Variants in ADH6 observed in about 807,000 individuals in gnomAD.
ADH6 encodes alcohol dehydrogenase 6.
ADH6 carries 34 observed loss-of-function variants against 36.5 expected under a neutral mutation model. The observed-to-expected ratio is 0.93, with a 90% confidence interval of 0.71 to 1.24. The LOEUF (loss-of-function observed/expected upper bound fraction) is 1.24, where lower values mean the gene tolerates loss of function less well. Among genes scored for constraint, ADH6 ranks in the 50% most tolerant of loss-of-function variants. The pLI, the probability that ADH6 is intolerant of heterozygous loss-of-function variation, is 0.00. For synonymous variants in ADH6, 161 were observed against 155.5 expected (o/e 1.04, Z -0.26); for missense variants, 440 against 447.0 (o/e 0.98, Z 0.14).
chr4:99,208,419 A>G lies in ADH6; in HGVS notation c.828+249T>C, dbSNP rs114863956. On this transcript the variant is annotated intron_variant, in intron 6 of 8. Coordinates refer to ENST00000394899, the MANE Select transcript of ADH6 (RefSeq NM_001102470.2). Reference sequence around the variant, plus strand: ...GAAAAGCACATTGATTTATAAGGTCATTAATCAAATTTTAATCTTATCTTG... The same window carrying G: ...GAAAAGCACATTGATTTATAAGGTCGTTAATCAAATTTTAATCTTATCTTG... 3,763 of 379,746 alleles carry G rather than the reference A, an allele frequency of 9.9e-3. 40 individuals are homozygous for G. Among genetic ancestry groups the G allele is most frequent in the Non-Finnish European group, 0.013 (2,743 of 214,986 alleles). 23.5% of individuals were successfully genotyped at this position (379,746 alleles called of 1,614,324 possible).
chr4:99,203,031 C>T lies in ADH6; in HGVS notation c.*1188G>A, dbSNP rs1404127587. ...TGAAAACCATGATGGGAGAGAGAGA[C>T]TGAGGGTGCAGCCCACCTTCCTGGC... On this transcript the variant is annotated 3_prime_UTR_variant, in exon 9 of 9. Coordinates refer to ENST00000394899, the MANE Select transcript of ADH6 (RefSeq NM_001102470.2). 1 of 384,804 alleles carries T rather than the reference C, an allele frequency of 2.6e-6. No individual in the cohort carries two copies. Among genetic ancestry groups the T allele is most frequent in the Non-Finnish European group, 4.6e-6 (1 of 217,710 alleles). 23.8% of individuals were successfully genotyped at this position (384,804 alleles called of 1,614,324 possible). A position where few individuals can be genotyped will look rare whatever the true frequency, so the allele number is the denominator to read the frequency against.
intron 7 of ADH6, 81 bp downstream of exon 7, chr4:99,207,365 T>C: frequency 6.4e-7 from 1 of 1,567,590 alleles, no homozygotes; most frequent in South Asian, 1.2e-5. Context: ...TTATGTCCTT[T>C]CTTAAGCGTT....
At chr4:99,214,290 G>A (rs1443894805) in intron 2 of ADH6, among the ~76,000 whole-genome samples, 1 of 152,090 alleles carries the variant, frequency 6.6e-6, no homozygotes, top group Non-Finnish European at 1.5e-5. Flanking sequence ...TGCTTGGGAG[G>A]CTGAAGTGGG....
chr4:99,204,246 GAAA>G lies in ADH6; in HGVS notation c.1104-6_1104-4del, dbSNP rs765347191. 12 of 1,597,956 alleles carry G rather than the reference GAAA, an allele frequency of 7.5e-6. No individual in the cohort carries two copies. Among genetic ancestry groups the G allele is most frequent in the African/African-American group, 6.7e-5 (5 of 74,518 alleles). On this transcript the variant is annotated splice_region_variant and splice_polypyrimidine_tract_variant and intron_variant, in intron 8 of 8. Transcript: ENST00000394899. ...AAAGTAACAGGATACAGCGGATACT[GAAA>G]AAAAGAAGAAGAGAAAAAAGGTTGG... is the stretch of plus-strand genomic sequence containing the variant.
In ADH6 at chr4:99,207,503, T is replaced by C. The variant is rs1417505635; in HGVS notation, c.907A>G (p.Lys303Glu). Residue 303 changes from lysine to glutamate, a missense_variant, in exon 7 of 9, where the codon AAA (lysine) becomes GAA (glutamate). Coordinates refer to ENST00000394899, the MANE Select transcript of ADH6 (RefSeq NM_001102470.2). ...VGVLPASVQL[K>E]ISGQLFFSGR... is the part of the protein sequence containing the mutation. ...GAGAAGAACAACTGGCCACTGATTT[T>C]GAGTTGAACACTGGCAGGCAACACC... The C allele has an allele frequency of 6.2e-7, 1 of 1,613,510 alleles. No individual in the cohort carries two copies.
intron 3 of ADH6, among the ~76,000 whole-genome samples, chr4:99,213,074 T>A (rs986304878): frequency 1.3e-5 from 2 of 152,128 alleles, no homozygotes; most frequent in African/African-American, 4.8e-5. Flanking sequence ...GCATGTATAA[T>A]TTTTTTATAT....
At chr4:99,216,337 T>A in intron 1 of ADH6, 75 bp from the exon 2 acceptor site, 1 of 838,390 alleles carries the variant, frequency 1.2e-6, no homozygotes, top group Non-Finnish European at 1.8e-6. Context: ...TATTAGTGAT[T>A]ATAGAATCAT....
At position 99,210,092 on chromosome 4, in the gene ADH6, T is replaced by G. The variant is rs759089233; in HGVS notation, c.557A>C (p.Asn186Thr). ...ATAAATGCCCCTCACCTTGGCAGTA[T>G]TGATTGCAGCACCAAACCCAGTGGA... ...GFSTGFGAAI[N>T]TAKVTPGSTC... Residue 186 changes from asparagine to threonine, a missense_variant, in exon 5 of 9, where the codon AAT becomes ACT. Physicochemically the swap from Asn to Thr is moderately conservative, Grantham distance 65 (BLOSUM62 0). Coordinates refer to ENST00000394899, the MANE Select transcript of ADH6 (RefSeq NM_001102470.2). 1 of 1,613,570 alleles carries G rather than the reference T, an allele frequency of 6.2e-7. No homozygotes were observed. The highest frequency in any genetic ancestry group is 1.7e-5 in the Admixed American group (1 of 59,964).
intron 3 of ADH6, among the ~76,000 whole-genome samples, chr4:99,212,741 G>GTA (rs1298638450): frequency 2.0e-5 from 3 of 151,186 alleles, no homozygotes; most frequent in Non-Finnish European, 2.9e-5. Flanking sequence ...ACATATATGT[G>GTA]TATATATATA....
chr4:99,205,904 C>T (rs979324408), intron 7 of ADH6, among the ~76,000 whole-genome samples: 3 of 152,092 alleles, frequency 2.0e-5, no homozygotes, highest in Admixed American at 6.6e-5. Context: ...GGCTCCCCAA[C>T]TTCTTCTCCA....
chr4:99,204,688 T>A, intron 8 of ADH6: 1 of 1,238,238 alleles, frequency 8.1e-7, no homozygotes, highest in Non-Finnish European at 1.0e-6. Flanking sequence ...AATACAATGC[T>A]AATGGCAAAA....
chr4:99,210,233 T>A lies in ADH6; in HGVS notation c.416A>T (p.Tyr139Phe). ...GAAGGTGCTGGTATTACCAAAGTGA[T>A]ATATTGATTTTCCCTTGCAGGTAAA... ...SRFTCKGKSI[Y>F]HFGNTSTFCE... The change falls in exon 5 of 9, where the codon TAT (tyrosine) becomes TTT (phenylalanine). Residue 139 changes from tyrosine to phenylalanine, a missense_variant. Transcript: ENST00000394899. 1 of 1,613,790 alleles carries A rather than the reference T, an allele frequency of 6.2e-7. No homozygotes were observed. Among genetic ancestry groups the A allele is most frequent in the Non-Finnish European group, 8.5e-7 (1 of 1,179,868 alleles).
intron 8 of ADH6, 71 bp from the exon 9 acceptor site, chr4:99,204,314 T>C: frequency 6.3e-7 from 1 of 1,580,704 alleles, no homozygotes; most frequent in Non-Finnish European, 8.5e-7. Flanking sequence ...GATTTCAAAT[T>C]CTCACTTTGT....
In ADH6 at chr4:99,213,625, T is replaced by C. The variant is rs1731301958; in HGVS notation, c.243A>G (p.Gly81=). Residue 81 remains glycine, a synonymous_variant, in exon 3 of 9, where the codon GGA becomes GGG. Coordinates refer to ENST00000394899, the MANE Select transcript of ADH6 (RefSeq NM_001102470.2). Reference sequence around the variant, plus strand: ...TCCTACCTGGTTTCACTGTGCTTACTCCTTCTCCAATACTCTCAACGATTC... The same window carrying C: ...TCCTACCTGGTTTCACTGTGCTTACCCCTTCTCCAATACTCTCAACGATTC... ...GAGIVESIGE[G]VSTVKPGDKV... 4 of 1,612,486 alleles carry C rather than the reference T, an allele frequency of 2.5e-6. No individual in the cohort carries two copies. The highest frequency in any genetic ancestry group is 3.4e-6 in the Non-Finnish European group (4 of 1,179,488).
At chr4:99,205,142 GT>G (rs1706144330) in intron 7 of ADH6, 79 bp from the exon 8 acceptor site, 15 of 1,440,312 alleles carry the variant, frequency 1.0e-5, no homozygotes, top group Non-Finnish European at 1.2e-5. Flanking sequence ...AACTGCTGAA[GT>G]TGTTGGCTTT....
Position 99,204,027 on chromosome 4 carries a change from A to G in ADH6, c.*192T>C. On this transcript the variant is annotated 3_prime_UTR_variant, in exon 9 of 9. Coordinates refer to ENST00000394899, the MANE Select transcript of ADH6 (RefSeq NM_001102470.2). ...GAAAAGGAGGCTGATCCTTGGTGAC[A>G]CTGGGTTACGTAAGAACAATTTTGA... 1 of 590,642 alleles carries G rather than the reference A, an allele frequency of 1.7e-6. No individual in the cohort carries two copies. The highest frequency in any genetic ancestry group is 2.7e-6 in the Non-Finnish European group (1 of 365,344). 36.6% of individuals were successfully genotyped at this position (590,642 alleles called of 1,614,324 possible). A position where few individuals can be genotyped will look rare whatever the true frequency, so the allele number is the denominator to read the frequency against.
At chr4:99,216,325 T>G in intron 1 of ADH6, 63 bp from the exon 2 acceptor site, 2 of 999,794 alleles carry the variant, frequency 2.0e-6, no homozygotes, top group Non-Finnish European at 2.9e-6. Flanking sequence ...GGAAGATTGC[T>G]ATATTAGTGA....
In ADH6 at chr4:99,208,785, A is replaced by C. The variant is rs1386471703; in HGVS notation, c.711T>G (p.Gly237=). Residue 237 remains glycine, a synonymous_variant, in exon 6 of 9, where the codon GGT becomes GGG. Coordinates refer to ENST00000394899, the MANE Select transcript of ADH6 (RefSeq NM_001102470.2). ...KEKFKKAQEL[G]ATECLNPQDL... ...CCTGAGGGTTGAGGCACTCAGTAGC[A>C]CCCAATTCCTGTGCCTTCTTAAATT... 1.2e-6 allele frequency: 2 copies of C among 1,613,780 alleles called. No homozygotes were observed. The highest frequency in any genetic ancestry group is 1.7e-6 in the Non-Finnish European group (2 of 1,179,780).
Position 99,205,038 on chromosome 4 carries a change from A to C in ADH6, c.990T>G (p.Pro330=). 1 of 1,596,124 alleles carries C rather than the reference A, an allele frequency of 6.3e-7. No homozygotes were observed. The highest frequency in any genetic ancestry group is 8.5e-7 in the Non-Finnish European group (1 of 1,171,806). The change falls in exon 8 of 9, where the codon CCT becomes CCG. Residue 330 remains proline, a synonymous_variant. Coordinates refer to ENST00000394899, the MANE Select transcript of ADH6 (RefSeq NM_001102470.2). ...FGGWKSRQHI[P]KLVADYMAEK... ...CTGCCATATAATCAGCAACCAGTTT[A>C]GGGATGTGCTGTCTGCTCTTCCAGC...
Sources: gnomAD v4.1 joint callset for allele counts (sites outside exome capture counted in the v4.1 genomes callset) on GRCh38, gnomAD v4.1.1 for gene constraint, MANE v1.5 for transcripts, NCBI Gene and HGNC (gene_info 2026-07-23, HGNC 2026-07-21) for gene names.